Variants in ARHGEF3 observed in about 807,000 individuals in gnomAD.
ARHGEF3 encodes 59.8 kDA protein.
A neutral mutation model predicts 63.2 loss-of-function variants in ARHGEF3; 28 were observed. The ratio of observed to expected loss-of-function variants is 0.44; its 90% CI spans 0.33 to 0.61. The LOEUF (loss-of-function observed/expected upper bound fraction) is 0.61, where lower values mean the gene tolerates loss of function less well. Ranked by LOEUF, ARHGEF3 falls within the 20% of genes least tolerant of loss-of-function variation. ARHGEF3 has a pLI of 0.03. For synonymous variants in ARHGEF3, 266 were observed against 254.2 expected (o/e 1.05, Z -0.44); for missense variants, 533 against 659.3 (o/e 0.81, Z 2.10).
At chr3:56,983,852 C>G (rs934938567) in intron 2 of ARHGEF3, among the ~76,000 whole-genome samples, 1 of 147,386 alleles carries the variant, frequency 6.8e-6, no homozygotes, top group Non-Finnish European at 1.5e-5. Flanking sequence ...AGGAGAATTG[C>G]TTGAACCTTG....
At chr3:57,011,642 C>T (rs1702705718) in intron 2 of ARHGEF3, among the ~76,000 whole-genome samples, 1 of 152,050 alleles carries the variant, frequency 6.6e-6, no homozygotes, top group African/African-American at 2.4e-5. Flanking sequence ...CTAATCTAAA[C>T]CAGAGCAAAG....
intron 2 of ARHGEF3, among the ~76,000 whole-genome samples, chr3:56,980,778 T>G (rs925427394): frequency 4.6e-5 from 7 of 152,230 alleles, no homozygotes; most frequent in Non-Finnish European, 1.0e-4. Flanking sequence ...GAAACTCAGG[T>G]GCAGAGAGCT....
At chr3:56,960,299 C>T (rs919766929) in intron 2 of ARHGEF3, among the ~76,000 whole-genome samples, 6 of 152,146 alleles carry the variant, frequency 3.9e-5, no homozygotes, top group South Asian at 2.1e-4. Context: ...AGAGCACTGA[C>T]GCCTAGGGAT....
chr3:57,013,400 T>C (rs1388329157), intron 2 of ARHGEF3, among the ~76,000 whole-genome samples: 1 of 152,222 alleles, frequency 6.6e-6, no homozygotes, highest in Admixed American at 6.5e-5. Flanking sequence ...ATCAGCACTT[T>C]GTGTCTAGCT....
chr3:56,878,420 A>C (rs1018073353), intron 4 of ARHGEF3, among the ~76,000 whole-genome samples: 4 of 152,186 alleles, frequency 2.6e-5, no homozygotes, highest in African/African-American at 9.7e-5. Context: ...TTGGGGGCCC[A>C]GTCAGGGGAT....
chr3:57,002,867 G>T lies in ARHGEF3; in HGVS notation c.62+32221C>A, dbSNP rs560690408. ...TGGCTCACTGCAACCTCCACCTCCCGGGTTCAAGCGATTCTCCTGCCTCAG... is the reference window on the plus strand; with the variant it reads ...TGGCTCACTGCAACCTCCACCTCCCTGGTTCAAGCGATTCTCCTGCCTCAG... On this transcript the variant is annotated intron_variant, in intron 2 of 12. Transcript: ENST00000338458. Among the ~76,000 whole-genome samples the T allele has an allele frequency of 2.9e-4, 43 of 149,610 alleles. 2 individuals are homozygous for T. In the East Asian group the frequency reaches 8.8e-3, roughly 30 times the overall value.
chr3:56,736,129 A>C (rs1218858583), intron 8 of ARHGEF3, among the ~76,000 whole-genome samples: 2 of 152,016 alleles, frequency 1.3e-5, no homozygotes, highest in Non-Finnish European at 2.9e-5. Context: ...TGGTGAGCTG[A>C]ATGAATTTTG....
intron 2 of ARHGEF3, among the ~76,000 whole-genome samples, chr3:56,768,667 C>CAAAAAAA (rs770390697): frequency 5.0e-4 from 22 of 43,890 alleles, no homozygotes; most frequent in Middle Eastern, 0.017. Flanking sequence ...AAGCAAAATG[C>CAAAAAAA]AAAAAAAAAA....
At chr3:56,986,736 G>A (rs559836034) in intron 2 of ARHGEF3, among the ~76,000 whole-genome samples, 6 of 151,910 alleles carry the variant, frequency 3.9e-5, no homozygotes, top group Non-Finnish European at 7.4e-5. Context: ...AGTAGTGGGG[G>A]TAGTCACTGG....
At chr3:57,036,796 T>C (rs1191420953) in intron 1 of ARHGEF3, among the ~76,000 whole-genome samples, 2 of 152,234 alleles carry the variant, frequency 1.3e-5, no homozygotes, top group Non-Finnish European at 2.9e-5. Context: ...GCTGGCTGAA[T>C]GGTCCAGCAC....
At chr3:56,967,814 T>G (rs1578979855) in intron 2 of ARHGEF3, among the ~76,000 whole-genome samples, 1 of 82,540 alleles carries the variant, frequency 1.2e-5, no homozygotes, top group Non-Finnish European at 2.1e-5. Context: ...ATAATATATA[T>G]TATATAATAT....
At chr3:56,736,659 G>T (rs1317971893) in intron 8 of ARHGEF3, among the ~76,000 whole-genome samples, 1 of 152,168 alleles carries the variant, frequency 6.6e-6, no homozygotes, top group African/African-American at 2.4e-5. Flanking sequence ...AAAATAAATA[G>T]CTGGCAACCC....
intron 7 of ARHGEF3, among the ~76,000 whole-genome samples, chr3:56,740,294 A>G (rs2107714064): frequency 6.6e-6 from 1 of 152,276 alleles, no homozygotes; most frequent in Non-Finnish European, 1.5e-5. Context: ...CTTATTTTAA[A>G]AAATATAGGC....
intron 4 of ARHGEF3, among the ~76,000 whole-genome samples, 196 bp from the exon 5 acceptor site, chr3:56,751,592 T>A (rs1196292587): frequency 6.6e-6 from 1 of 152,240 alleles, no homozygotes; most frequent in Admixed American, 6.5e-5. Flanking sequence ...TAAGCCTTTG[T>A]GGTTGATAAA....
chr3:57,022,434 CAA>C, intron 2 of ARHGEF3, among the ~76,000 whole-genome samples: 1 of 145,244 alleles, frequency 6.9e-6, no homozygotes, highest in East Asian at 2.0e-4. Context: ...ATTTTTGTCT[CAA>C]AAAAAAAAGT....
At chr3:56,869,518 C>T (rs1417610876) in intron 4 of ARHGEF3, among the ~76,000 whole-genome samples, 2 of 152,066 alleles carry the variant, frequency 1.3e-5, no homozygotes, top group African/African-American at 2.4e-5. Context: ...TTTCAGTGTC[C>T]GTCAAGTAAT....
chr3:56,994,530 CTTGGAAAAGGGAT>C (rs1241061928), intron 2 of ARHGEF3, among the ~76,000 whole-genome samples: 1 of 152,138 alleles, frequency 6.6e-6, no homozygotes, highest in Non-Finnish European at 1.5e-5. Context: ...CAACAGCCCT[CTTGGAAAAGGGAT>C]TTCCCTTTTC....
At chr3:56,743,626 A>T (rs913607590) in intron 7 of ARHGEF3, among the ~76,000 whole-genome samples, 1 of 152,238 alleles carries the variant, frequency 6.6e-6, no homozygotes. Context: ...ACTCAATGCC[A>T]GCAATTATTA....
chr3:56,889,114 C>T (rs903295585), intron 3 of ARHGEF3, among the ~76,000 whole-genome samples: 5 of 151,902 alleles, frequency 3.3e-5, no homozygotes, highest in African/African-American at 1.2e-4. Context: ...ACCTTTCGAC[C>T]CACTTTCACA....
Sources: gnomAD v4.1 joint callset for allele counts (sites outside exome capture counted in the v4.1 genomes callset) on GRCh38, gnomAD v4.1.1 for gene constraint, MANE v1.5 for transcripts, NCBI Gene and HGNC (gene_info 2026-07-23, HGNC 2026-07-21) for gene names.